Variants in NREP observed in about 807,000 individuals in gnomAD.
The protein encoded by NREP is neuronal regeneration-related protein.
In NREP, 5 loss-of-function variants were observed where a neutral mutation model predicts 8.6. That is an observed-to-expected ratio of 0.58 (90% confidence interval 0.30 to 1.22). The LOEUF is 1.22. NREP is among the 50% of genes most tolerant of loss of function. The probability of loss-of-function intolerance (pLI) is 0.07; values close to 1 mark genes in which losing one functional copy is unlikely to be tolerated. For synonymous variants in NREP, 27 were observed against 28.0 expected (o/e 0.96, Z 0.11); for missense variants, 86 against 82.5 (o/e 1.04, Z -0.17).
chr5:111,889,307 A>C (rs1329238114), intron 2 of NREP, among the ~76,000 whole-genome samples: 1 of 152,158 alleles, frequency 6.6e-6, no homozygotes, highest in Non-Finnish European at 1.5e-5. Context: ...ACTTTTACAC[A>C]ATCAGATCTC....
chr5:111,843,585 G>A (rs138870940), intron 2 of NREP, among the ~76,000 whole-genome samples: 29 of 152,016 alleles, frequency 1.9e-4, no homozygotes, highest in East Asian at 1.6e-3. Flanking sequence ...TATTTTGTTC[G>A]TTTGTTGATG....
At chr5:111,829,378 G>A (rs1253314311) in intron 2 of NREP, among the ~76,000 whole-genome samples, 2 of 152,164 alleles carry the variant, frequency 1.3e-5, no homozygotes, top group African/African-American at 2.4e-5. Context: ...AACCAGTTAA[G>A]ACTCTAATTC....
rs1489138945 is a variant in NREP at position 111,802,717 on chromosome 5, T to C, written c.136-67210A>G. Among the ~76,000 whole-genome samples the C allele has an allele frequency of 2.6e-5, 4 of 152,240 alleles. No individual in the cohort carries two copies. The East Asian group carries it at 5.8e-4, about 22-fold the overall frequency. ...GGGTTAAAGATTATTTAAAACATAA[T>C]GTATTCTTTTGAAAATTATAATTGA... On this transcript the variant is annotated intron_variant, in intron 2 of 3. Coordinates refer to the NREP transcript ENST00000395634.
At chr5:111,946,305 A>G (rs951637105) in intron 2 of NREP, among the ~76,000 whole-genome samples, 16 of 152,012 alleles carry the variant, frequency 1.1e-4, no homozygotes, top group African/African-American at 3.1e-4. Context: ...AATGAACCTT[A>G]ACAAAGTACT....
At chr5:111,825,623 T>C (rs866594315) in intron 2 of NREP, among the ~76,000 whole-genome samples, 1 of 152,298 alleles carries the variant, frequency 6.6e-6, no homozygotes, top group African/African-American at 2.4e-5. Context: ...CAGATGTGGA[T>C]ACTGCGTAGT....
intron 2 of NREP, among the ~76,000 whole-genome samples, chr5:111,889,009 T>C (rs921290959): frequency 6.6e-6 from 1 of 152,208 alleles, no homozygotes; most frequent in South Asian, 2.1e-4. Flanking sequence ...CAATCACTCA[T>C]AAAATGCATG....
chr5:111,873,946 T>C (rs1039425056), intron 2 of NREP, among the ~76,000 whole-genome samples: 6 of 152,022 alleles, frequency 3.9e-5, no homozygotes, highest in African/African-American at 1.5e-4. Flanking sequence ...CAAACAAAGG[T>C]AGTCAGAGTC....
intron 2 of NREP, among the ~76,000 whole-genome samples, chr5:111,828,903 T>C (rs1315313876): frequency 6.6e-6 from 1 of 152,160 alleles, no homozygotes; most frequent in African/African-American, 2.4e-5. Context: ...ACAGCACAGA[T>C]AATAGGCATT....
At position 111,889,731 on chromosome 5, in the gene NREP, G is replaced by A. The variant is rs371183334; in HGVS notation, c.135+85543C>T. On this transcript the variant is annotated intron_variant, in intron 2 of 3. Coordinates refer to the NREP transcript ENST00000395634. The stretch of plus-strand genomic sequence containing the variant: ...AAGAGAATCCACCAGCAGGCTTTGT[G>A]TGAGCAACACAGCTGTTTATTTCAC... Among the ~76,000 whole-genome samples the A allele has an allele frequency of 1.8e-3, 279 of 152,320 alleles. 3 individuals are homozygous for A. Among genetic ancestry groups the A allele is most frequent in the African/African-American group, 6.5e-3 (271 of 41,572 alleles).
At chr5:111,897,903 T>C (rs1754549575) in intron 2 of NREP, among the ~76,000 whole-genome samples, 1 of 152,154 alleles carries the variant, frequency 6.6e-6, no homozygotes, top group Admixed American at 6.5e-5. Flanking sequence ...TTGATTGCTT[T>C]TTTTGTTTCC....
At position 111,938,152 on chromosome 5, in the gene NREP, T is replaced by C. The variant is rs73225630; in HGVS notation, c.135+37122A>G. On this transcript the variant is annotated intron_variant, in intron 2 of 3. Transcript: ENST00000395634. ...TATGAGTTCTCATAGTAACACACTC[T>C]TCCTGGCCATGCTCACCCAGGGCAC... is the stretch of plus-strand genomic sequence containing the variant. 9.8e-3 allele frequency among the ~76,000 whole-genome samples: 1,489 copies of C among 152,138 alleles called. 28 individuals are homozygous for C. Among genetic ancestry groups the C allele is most frequent in the African/African-American group, 0.034 (1,419 of 41,522 alleles).
chr5:111,834,674 A>G (rs949614279), intron 2 of NREP, among the ~76,000 whole-genome samples: 1 of 152,180 alleles, frequency 6.6e-6, no homozygotes, highest in Non-Finnish European at 1.5e-5. Context: ...TTGAAGAGCC[A>G]GTTTTGCCCA....
intron 2 of NREP, among the ~76,000 whole-genome samples, chr5:111,833,546 C>T (rs1348236473): frequency 2.0e-5 from 3 of 152,150 alleles, no homozygotes; most frequent in Non-Finnish European, 4.4e-5. Context: ...ACTTGATTTT[C>T]TACAGTAAAT....
At chr5:111,887,789 T>G (rs1254075722) in intron 2 of NREP, among the ~76,000 whole-genome samples, 1 of 152,222 alleles carries the variant, frequency 6.6e-6, no homozygotes, top group Non-Finnish European at 1.5e-5. Flanking sequence ...GCAGACTTGA[T>G]AGCAACACAT....
intron 2 of NREP, among the ~76,000 whole-genome samples, chr5:111,922,014 T>C (rs1755253570): frequency 1.3e-5 from 2 of 152,284 alleles, no homozygotes; most frequent in South Asian, 4.1e-4. Flanking sequence ...AAACCGCTTT[T>C]TCTTCCCAGT....
intron 2 of NREP, among the ~76,000 whole-genome samples, chr5:111,802,248 A>C (rs1276268545): frequency 6.6e-6 from 1 of 152,214 alleles, no homozygotes; most frequent in Admixed American, 6.5e-5. Flanking sequence ...GTGTGATGGT[A>C]TTAAGGCTAA....
intron 2 of NREP, among the ~76,000 whole-genome samples, chr5:111,819,583 T>C (rs1196998839): frequency 6.6e-6 from 1 of 152,208 alleles, no homozygotes; most frequent in Non-Finnish European, 1.5e-5. Context: ...AATACTGAAT[T>C]AGCAAATAGT....
intron 2 of NREP, among the ~76,000 whole-genome samples, chr5:111,903,148 A>G (rs1462504636): frequency 6.7e-6 from 1 of 148,730 alleles, no homozygotes; most frequent in Admixed American, 6.7e-5. Context: ...CAGTGGCACA[A>G]TCTTGGCTCA....
At chr5:111,934,381 G>A (rs1214764462) in intron 2 of NREP, among the ~76,000 whole-genome samples, 1 of 152,002 alleles carries the variant, frequency 6.6e-6, no homozygotes, top group African/African-American at 2.4e-5. Flanking sequence ...GGAAGGTAAA[G>A]GTTATAATTG....
Sources: gnomAD v4.1 joint callset for allele counts (sites outside exome capture counted in the v4.1 genomes callset) on GRCh38, gnomAD v4.1.1 for gene constraint, MANE v1.5 for transcripts, NCBI Gene and HGNC (gene_info 2026-07-23, HGNC 2026-07-21) for gene names.